Variants in ITPR2 observed in about 807,000 individuals in gnomAD.
ITPR2 encodes the protein inositol 1,4,5-trisphosphate-gated calcium channel ITPR2.
A neutral mutation model predicts 317.1 loss-of-function variants in ITPR2; 207 were observed. The ratio of observed to expected loss-of-function variants is 0.65; its 90% confidence interval spans 0.58 to 0.73. The LOEUF is 0.73. Ranked by LOEUF, ITPR2 falls within the 30% of genes least tolerant of loss-of-function variation. The pLI, the probability that ITPR2 is intolerant of heterozygous loss-of-function variation, is 0.00. For synonymous variants in ITPR2, 1,156 were observed against 1,149.1 expected (o/e 1.01, Z -0.12); for missense variants, 2,613 against 3,284.0 (o/e 0.80, Z 4.99).
chr12:26,829,255 C>T (rs1019932390), intron 1 of ITPR2, among the ~76,000 whole-genome samples: 1 of 152,124 alleles, frequency 6.6e-6, no homozygotes, highest in African/African-American at 2.4e-5. Context: ...TTCTGCACTG[C>T]CCTGTTTTCA....
At chr12:26,637,624 A>G (rs959098073) in intron 21 of ITPR2, among the ~76,000 whole-genome samples, 3 of 152,158 alleles carry the variant, frequency 2.0e-5, no homozygotes, top group African/African-American at 7.2e-5. Flanking sequence ...GTACCATATA[A>G]TTGTAAGGTA....
chr12:26,666,091 C>T (rs748535635), intron 13 of ITPR2, 40 bp from the exon 14 acceptor site: 1 of 1,546,804 alleles, frequency 6.5e-7, no homozygotes, highest in South Asian at 1.2e-5. Context: ...TTACAGTGTG[C>T]TTAATTTTGG....
At chr12:26,536,658 G>A (rs115839521) in intron 37 of ITPR2, among the ~76,000 whole-genome samples, 2,331 of 152,324 alleles carry the variant, frequency 0.015, 57 homozygotes, top group African/African-American at 0.052. Context: ...AGAACTGGGT[G>A]GTGGACTCTG....
chr12:26,413,578 A>G (rs1339921723), intron 51 of ITPR2, among the ~76,000 whole-genome samples: 4 of 152,342 alleles, frequency 2.6e-5, no homozygotes, highest in Admixed American at 1.3e-4. Flanking sequence ...TGTTTTTCCT[A>G]GGGCATCATG....
chr12:26,542,958 A>C (rs977716471), intron 37 of ITPR2, among the ~76,000 whole-genome samples: 46 of 152,364 alleles, frequency 3.0e-4, no homozygotes, highest in African/African-American at 1.1e-3. Flanking sequence ...ATTCTAAAGT[A>C]CAGAAGCTAT....
chr12:26,715,650 T>G (rs1948727911), intron 7 of ITPR2, 102 bp downstream of exon 7: 2 of 822,810 alleles, frequency 2.4e-6, no homozygotes, highest in South Asian at 3.5e-5. Context: ...GTAGTCACAT[T>G]CTAAATTATG....
chr12:26,419,435 C>T (rs779027819), intron 49 of ITPR2: 6 of 418,850 alleles, frequency 1.4e-5, no homozygotes, highest in African/African-American at 1.0e-4. Flanking sequence ...CAAACTGGCA[C>T]GTAAACATAA....
chr12:26,455,185 T>C (rs900335066), intron 45 of ITPR2, among the ~76,000 whole-genome samples: 4 of 151,162 alleles, frequency 2.6e-5, no homozygotes, highest in African/African-American at 9.7e-5. Flanking sequence ...ATATGAAGAG[T>C]TGAGAAGAAG....
In ITPR2 at chr12:26,778,772, C is replaced by T. The variant is rs371078297; in HGVS notation, c.163+11385G>A. 2.0e-5 allele frequency among the ~76,000 whole-genome samples: 3 copies of T among 152,240 alleles called. No individual in the cohort carries two copies. The South Asian group carries it at 6.2e-4, about 31-fold the overall frequency. On this transcript the variant is annotated intron_variant, in intron 2 of 56. Coordinates refer to ENST00000381340, the MANE Select transcript of ITPR2 (RefSeq NM_002223.4). The stretch of plus-strand genomic sequence containing the variant: ...AAACACACTGGACTTATTTGTGAGA[C>T]ATTTGCGTGCCAGAGAATGAGAAAT...
At chr12:26,427,519 G>A (rs1289687430) in intron 49 of ITPR2, among the ~76,000 whole-genome samples, 1 of 151,990 alleles carries the variant, frequency 6.6e-6, no homozygotes, top group Non-Finnish European at 1.5e-5. Flanking sequence ...TTTGATGAAA[G>A]GTGCCCACTT....
rs185292332 is a variant in ITPR2, at chr12:26,599,492, G to T, written c.3802-147C>A. 3.5e-5 allele frequency: 24 copies of T among 694,450 alleles called. No homozygotes were observed. The South Asian group carries it at 4.6e-4, about 13-fold the overall frequency. 43.0% of individuals were successfully genotyped at this position (694,450 alleles called of 1,614,324 possible). On this transcript the variant is annotated intron_variant, in intron 29 of 56. Coordinates refer to ENST00000381340, the MANE Select transcript of ITPR2 (RefSeq NM_002223.4). ...TCTGTGCATGTCTTTCAAAAAATGC[G>T]ATGAGATCATTAACCATTAAAAGAA...
chr12:26,782,016 ATATATATATATATATAT>A (rs1565759735), intron 2 of ITPR2, among the ~76,000 whole-genome samples: 529 of 30,324 alleles, frequency 0.017, 11 homozygotes, highest in African/African-American at 0.038. Flanking sequence ...ATATATATAT[ATATATATATATATATAT>A]GTATAGAGAG....
chr12:26,677,444 C>A (rs1947935411), intron 13 of ITPR2, among the ~76,000 whole-genome samples: 1 of 151,494 alleles, frequency 6.6e-6, no homozygotes, highest in Non-Finnish European at 1.5e-5. Flanking sequence ...TAGAAAAATC[C>A]AAAAAATTAG....
At chr12:26,829,763 C>T (rs536536172) in intron 1 of ITPR2, among the ~76,000 whole-genome samples, 3 of 152,106 alleles carry the variant, frequency 2.0e-5, no homozygotes, top group Non-Finnish European at 2.9e-5. Context: ...AAGCAAGTAC[C>T]AGGAGGGAGG....
intron 2 of ITPR2, among the ~76,000 whole-genome samples, chr12:26,763,862 A>G (rs1949677169): frequency 6.6e-6 from 1 of 152,108 alleles, no homozygotes; most frequent in South Asian, 2.1e-4. Flanking sequence ...AGCCTCTATT[A>G]CATAAAAGGT....
intron 13 of ITPR2, among the ~76,000 whole-genome samples, chr12:26,670,932 T>C (rs980078599): frequency 6.6e-6 from 1 of 151,990 alleles, no homozygotes; most frequent in Non-Finnish European, 1.5e-5. Flanking sequence ...TGCGATCAAC[T>C]GGAAGAAAGG....
intron 7 of ITPR2, 104 bp downstream of exon 7, chr12:26,715,647 CA>C: frequency 1.2e-6 from 1 of 809,956 alleles, no homozygotes; most frequent in Non-Finnish European, 2.0e-6. Context: ...TGTGTAGTCA[CA>C]TTCTAAATTA....
At position 26,622,247 on chromosome 12, in the gene ITPR2, A is replaced by C; in HGVS notation, c.3281T>G (p.Phe1094Cys). 1 of 1,609,426 alleles carries C rather than the reference A, an allele frequency of 6.2e-7. No individual in the cohort carries two copies. Among genetic ancestry groups the C allele is most frequent in the Non-Finnish European group, 8.5e-7 (1 of 1,178,540 alleles). ...FSQRAEVLQA[F>C]KQVQLLVSNQ... ...AGGGCTCTTCAATCTTACCTGCTTA[A>C]ATGCCTGTAAAACCTCTGCCCTCTG... is the stretch of plus-strand genomic sequence containing the variant. The change falls in exon 25 of 57, where the codon TTT becomes TGT. Residue 1094 changes from phenylalanine to cysteine, a missense_variant. Physicochemically the swap from Phe to Cys is radical, Grantham distance 205. Around this residue, in one of 9 missense-constraint regions of ITPR2, gnomAD observed 817 missense variants for 897.6 expected, o/e 0.91. Transcript: ENST00000381340.
intron 54 of ITPR2, among the ~76,000 whole-genome samples, chr12:26,394,136 A>C (rs927733827): frequency 2.6e-5 from 4 of 152,188 alleles, no homozygotes; most frequent in Non-Finnish European, 5.9e-5. Context: ...ACTCATCACA[A>C]CACCAAACCG....
Sources: gnomAD v4.1 joint callset for allele counts (sites outside exome capture counted in the v4.1 genomes callset) on GRCh38, gnomAD v4.1.1 for gene constraint, gnomAD v4.1.1 regional missense constraint, MANE v1.5 for transcripts, NCBI Gene and HGNC (gene_info 2026-07-23, HGNC 2026-07-21) for gene names.